The following ZSCAN25 variants were observed in gnomAD, a reference collection of about 807,000 sequenced individuals.
The protein encoded by ZSCAN25 is zinc finger and SCAN domain containing 25.
In ZSCAN25, 27 loss-of-function variants were observed where a neutral mutation model predicts 38.7. The ratio of observed to expected loss-of-function variants is 0.70; its 90% confidence interval spans 0.51 to 0.96. The LOEUF (loss-of-function observed/expected upper bound fraction) is 0.96. Ranked by LOEUF, ZSCAN25 falls within the 40% of genes least tolerant of loss-of-function variation. ZSCAN25 has a pLI of 0.00. For missense variants in ZSCAN25, 637 were observed against 705.9 expected (o/e 0.90, Z 1.11); for synonymous variants, 273 against 277.7 (o/e 0.98, Z 0.17).
chr7:99,652,883 A>C, the ZSCAN25 span: 4 of 790,874 alleles, frequency 5.1e-6, no homozygotes, highest in Admixed American at 5.3e-5. Flanking sequence ...AGAATAACTC[A>C]TACTGGTAAA....
At chr7:99,623,920 A>G in intron 6 of ZSCAN25, 137 bp from the exon 7 acceptor site, 2 of 1,214,330 alleles carry the variant, frequency 1.6e-6, no homozygotes, top group Non-Finnish European at 2.3e-6. Context: ...TCACAACTGC[A>G]GTGGCTCAAA....
chr7:99,689,367 C>T, the ZSCAN25 span, among the ~76,000 whole-genome samples: 13 of 152,122 alleles, frequency 8.5e-5, no homozygotes, highest in African/African-American at 2.7e-4. Flanking sequence ...TACAAACTAC[C>T]ATCAGAGAAT....
the ZSCAN25 span, among the ~76,000 whole-genome samples, chr7:99,693,810 T>C: frequency 6.6e-6 from 1 of 152,222 alleles, no homozygotes. Flanking sequence ...TGCTGGGAGC[T>C]GCAGACTAGA....
At chr7:99,622,964 G>T (rs1318570990) in intron 6 of ZSCAN25, among the ~76,000 whole-genome samples, 1 of 152,094 alleles carries the variant, frequency 6.6e-6, no homozygotes, top group African/African-American at 2.4e-5. Flanking sequence ...CTGCCACCTC[G>T]CCTGGCTAAT....
chr7:99,662,724 C>T, the ZSCAN25 span: 2 of 1,282,374 alleles, frequency 1.6e-6, no homozygotes, highest in East Asian at 2.3e-5. This position sits in a 1 kb window ranked among gnomAD's most constrained non-coding sequence, Gnocchi z 4.3. Context: ...CAAAAATTCT[C>T]ATCTTCCTGG....
chr7:99,736,873 G>C, the ZSCAN25 span, among the ~76,000 whole-genome samples: 101 of 152,240 alleles, frequency 6.6e-4, no homozygotes, highest in African/African-American at 2.3e-3. Flanking sequence ...CCAGGTATGT[G>C]CCGGGAGCCA....
chr7:99,705,560 TAGA>T, the ZSCAN25 span: 6 of 1,613,566 alleles, frequency 3.7e-6, no homozygotes, highest in East Asian at 2.2e-5. Flanking sequence ...GTTTTTCTGT[TAGA>T]AGAAGTCCTC....
rs761151083 is a variant in ZSCAN25 at position 99,621,507 on chromosome 7, A to G, written c.522A>G (p.Pro174=). 1.9e-6 allele frequency: 3 copies of G among 1,571,392 alleles called. No homozygotes were observed. In the South Asian group the frequency reaches 3.5e-5, roughly 18 times the overall value. The change falls in exon 5 of 8, where the codon CCA becomes CCG. Residue 174 remains proline (P), a synonymous_variant. Coordinates refer to ENST00000394152, the MANE Select transcript of ZSCAN25 (RefSeq NM_145115.3). Reference sequence around the variant, plus strand: ...CCCCTGGGGAAGGAGTTCAAGGTCCAGACCCAGGTACCGAGGAGCAGCTCA... The same window carrying G: ...CCCCTGGGGAAGGAGTTCAAGGTCCGGACCCAGGTACCGAGGAGCAGCTCA... ...GMPPGEGVQG[P]DPGTEEQLSQ...
chr7:99,663,861 GT>G, the ZSCAN25 span: 1 of 1,435,474 alleles, frequency 7.0e-7, no homozygotes, highest in African/African-American at 1.5e-5. Context: ...CTAAACATAA[GT>G]TCTCTGTCTT....
At chr7:99,718,944 C>A in the ZSCAN25 span, among the ~76,000 whole-genome samples, 1 of 152,138 alleles carries the variant, frequency 6.6e-6, no homozygotes, top group Non-Finnish European at 1.5e-5. Context: ...GTAAATCCAA[C>A]AAAACATGCA....
rs903952199 is a variant in ZSCAN25, at chr7:99,630,196, C to T, written c.*176C>T. ...TTCCAGAGAGCATAGCTGCTTCCAT[C>T]TCTTACCCAAGTGGTGCTAAACAAT... On this transcript the variant is annotated 3_prime_UTR_variant, in exon 8 of 8. Coordinates refer to ENST00000394152, the MANE Select transcript of ZSCAN25 (RefSeq NM_145115.3). 1.4e-6 allele frequency: 2 copies of T among 1,387,334 alleles called. No homozygotes were observed. The highest frequency in any genetic ancestry group is 2.7e-5 in the East Asian group (1 of 37,694). The allele number at this position is 1,387,334 out of a possible 1,614,324, so 85.9% of individuals were successfully genotyped here. A position where few individuals can be genotyped will look rare whatever the true frequency, so the allele number is the denominator to read the frequency against.
At chr7:99,717,193 G>A in the ZSCAN25 span, 1 of 1,613,900 alleles carries the variant, frequency 6.2e-7, no homozygotes, top group Non-Finnish European at 8.5e-7. Flanking sequence ...AAGGTGACAG[G>A]CTTGCCTGTC....
chr7:99,676,348 G>A, the ZSCAN25 span: 1 of 1,544,904 alleles, frequency 6.5e-7, no homozygotes, highest in South Asian at 1.1e-5. Flanking sequence ...TCCAACATCA[G>A]TAATTGCATT....
At chr7:99,684,833 C>A in the ZSCAN25 span, 1 of 186,234 alleles carries the variant, frequency 5.4e-6, no homozygotes, top group South Asian at 1.4e-4. Flanking sequence ...AATTTTGATT[C>A]TTTTATCAGA....
chr7:99,698,737 T>C, the ZSCAN25 span, among the ~76,000 whole-genome samples: 8 of 152,174 alleles, frequency 5.3e-5, no homozygotes, highest in Non-Finnish European at 1.0e-4. Flanking sequence ...TCACAAATAC[T>C]GAACTAACAG....
chr7:99,686,824 C>G, the ZSCAN25 span, among the ~76,000 whole-genome samples: 4 of 152,056 alleles, frequency 2.6e-5, no homozygotes, highest in Non-Finnish European at 4.4e-5. Context: ...TCCAGAGGAA[C>G]GATCAGGCAG....
At chr7:99,645,619 A>AT in the ZSCAN25 span, among the ~76,000 whole-genome samples, 189 of 151,500 alleles carry the variant, frequency 1.2e-3, no homozygotes, top group Non-Finnish European at 1.9e-3. Flanking sequence ...CACACCTGTT[A>AT]TTTTTTGACT....
chr7:99,648,463 G>A, the ZSCAN25 span: 1 of 1,227,352 alleles, frequency 8.1e-7, no homozygotes, highest in East Asian at 3.0e-5. Context: ...AAAGATGGAA[G>A]CAAAGTAGAA....
chr7:99,713,363 T>C, the ZSCAN25 span: 5 of 1,525,004 alleles, frequency 3.3e-6, no homozygotes, highest in South Asian at 2.3e-5. Flanking sequence ...CATTCTGCTA[T>C]GTGGCAGAAA....
Sources: gnomAD v4.1 joint callset for allele counts (sites outside exome capture counted in the v4.1 genomes callset) on GRCh38, gnomAD v4.1.1 for gene constraint, Gnocchi (gnomAD v3.1) non-coding constraint, MANE v1.5 for transcripts, NCBI Gene and HGNC (gene_info 2026-07-23, HGNC 2026-07-21) for gene names.